Variants in GTF2H4 observed in about 807,000 individuals in gnomAD.
GTF2H4 encodes general transcription factor IIH subunit 4.
GTF2H4 carries 49 observed loss-of-function variants against 62.2 expected under a neutral mutation model. The observed-to-expected ratio is 0.79, with a 90% CI of 0.63 to 1.00. GTF2H4 has a LOEUF of 1.00. Ranked by LOEUF, GTF2H4 falls within the 50% of genes least tolerant of loss-of-function variation. GTF2H4 has a pLI of 0.00. For missense variants in GTF2H4, 479 were observed against 587.8 expected (o/e 0.81, Z 1.91); for synonymous variants, 189 against 233.8 (o/e 0.81, Z 1.75).
In GTF2H4 at chr6:30,912,290, G is replaced by T; in HGVS notation, c.959-38G>T. ...AAGGGCTTGAGGGAGTCTGGGTGTG[G>T]GGGTGGCCTCCTCATCCTCTTTCTA... On this transcript the variant is annotated intron_variant, in intron 10 of 13. Coordinates refer to ENST00000259895, the MANE Select transcript of GTF2H4 (RefSeq NM_001517.5). This position sits in a 1 kb window ranked among gnomAD's most constrained non-coding sequence, Gnocchi z 4.8. The T allele has an allele frequency of 6.2e-7, 1 of 1,611,182 alleles. No individual in the cohort carries two copies.
Position 30,911,988 on chromosome 6 carries a change from G to A in GTF2H4, c.826-26G>A, listed in dbSNP as rs1282377274. On this transcript the variant is annotated intron_variant, in intron 9 of 13. Transcript: ENST00000259895. This position sits in a 1 kb window ranked among gnomAD's most constrained non-coding sequence, Gnocchi z 4.3. Reference sequence around the variant, plus strand: ...TGTAAGGCAGTGACTTCTGAGACAAGGCATCTGCCTTTCTATTCTTTTCAG... The same window carrying A: ...TGTAAGGCAGTGACTTCTGAGACAAAGCATCTGCCTTTCTATTCTTTTCAG... 1 of 1,610,968 alleles carries A rather than the reference G, an allele frequency of 6.2e-7. No homozygotes were observed. Among genetic ancestry groups the A allele is most frequent in the Non-Finnish European group, 8.5e-7 (1 of 1,178,910 alleles).
chr6:30,914,019 G>GGGT lies in GTF2H4; in HGVS notation c.*36_*37insGGT. On this transcript the variant is annotated 3_prime_UTR_variant, in exon 14 of 14. Transcript: ENST00000259895. ...CTTGGACACGGACCTCGGCGGGCGG[G>GGGT]ACTGGGCGGGGCGGGGCATCAGAAC... is the stretch of plus-strand genomic sequence containing the variant. The GGGT allele has an allele frequency of 7.5e-7, 1 of 1,329,174 alleles. No homozygotes were observed. Among genetic ancestry groups the GGGT allele is most frequent in the Non-Finnish European group, 1.1e-6 (1 of 947,430 alleles). The allele number at this position is 1,329,174 out of a possible 1,614,324, so 82.3% of individuals were successfully genotyped here.
chr6:30,911,721 A>T lies in GTF2H4; in HGVS notation c.779A>T (p.Asn260Ile), dbSNP rs1292024546. The change falls in exon 9 of 14, where the codon AAC becomes ATC. Residue 260 changes from asparagine to isoleucine, a missense_variant. Coordinates refer to ENST00000259895, the MANE Select transcript of GTF2H4 (RefSeq NM_001517.5). This position sits in a 1 kb window ranked among gnomAD's most constrained non-coding sequence, Gnocchi z 4.3. ...SVEGMSDSLL[N>I]FLQHLREFGL... Reference sequence around the variant, plus strand: ...GAAGGTATGAGTGATTCTCTGTTGAACTTCCTGCAACATCTGCGTGAGTTT... The same window carrying T: ...GAAGGTATGAGTGATTCTCTGTTGATCTTCCTGCAACATCTGCGTGAGTTT... 1.9e-6 allele frequency: 3 copies of T among 1,612,948 alleles called. No homozygotes were observed.
rs1371575287 is a variant in GTF2H4 at position 30,913,737 on chromosome 6, G to A, written c.1217-74G>A. The A allele has an allele frequency of 1.5e-5, 21 of 1,382,940 alleles. 1 individual carries two copies. The South Asian group carries it at 2.8e-4, about 18-fold the overall frequency. 85.7% of individuals were successfully genotyped at this position (1,382,940 alleles called of 1,614,324 possible). ...CCAGGGCTGCCACCAAGGAGCTGGG[G>A]GGATTCCCAATAGGAGCTCCGAGCT... On this transcript the variant is annotated intron_variant, in intron 13 of 13. Coordinates refer to ENST00000259895, the MANE Select transcript of GTF2H4 (RefSeq NM_001517.5). The surrounding 1 kb of genome is among the most constrained non-coding windows in gnomAD (Gnocchi z 4.2).
chr6:30,911,896 C>T lies in GTF2H4; in HGVS notation c.826-118C>T, dbSNP rs556452193. Reference sequence around the variant, plus strand: ...GCCAGAACTGAATACTTGGGTCTCTCGGGGGAGAGAAGTTGGGGGTTGAGG... The same window carrying T: ...GCCAGAACTGAATACTTGGGTCTCTTGGGGGAGAGAAGTTGGGGGTTGAGG... On this transcript the variant is annotated intron_variant, in intron 9 of 13. Coordinates refer to ENST00000259895, the MANE Select transcript of GTF2H4 (RefSeq NM_001517.5). The surrounding 1 kb of genome is among the most constrained non-coding windows in gnomAD (Gnocchi z 4.3). 4.9e-5 allele frequency: 70 copies of T among 1,437,716 alleles called. 1 individual carries two copies. The South Asian group carries it at 5.2e-4, about 11-fold the overall frequency. 89.1% of individuals were successfully genotyped at this position (1,437,716 alleles called of 1,614,324 possible).
At position 30,911,823 on chromosome 6, in the gene GTF2H4, T is replaced by G; in HGVS notation, c.825+56T>G. 1 of 1,526,756 alleles carries G rather than the reference T, an allele frequency of 6.5e-7. No homozygotes were observed. The highest frequency in any genetic ancestry group is 9.1e-7 in the Non-Finnish European group (1 of 1,102,754). The allele number at this position is 1,526,756 out of a possible 1,614,324, so 94.6% of individuals were successfully genotyped here. The stretch of plus-strand genomic sequence containing the variant: ...GAAGAAACAGGGTGGTGTGTTGCCT[T>G]TGCCTTTAAAAAGGAGTGGGGTCTT... On this transcript the variant is annotated intron_variant, in intron 9 of 13. Coordinates refer to ENST00000259895, the MANE Select transcript of GTF2H4 (RefSeq NM_001517.5). The surrounding 1 kb of genome is among the most constrained non-coding windows in gnomAD (Gnocchi z 4.3).
chr6:30,910,744 G>A lies in GTF2H4; in HGVS notation c.454G>A (p.Ala152Thr). 6.2e-7 allele frequency: 1 copy of A among 1,612,702 alleles called. No homozygotes were observed. The highest frequency in any genetic ancestry group is 8.5e-7 in the Non-Finnish European group (1 of 1,179,772). ...GGACGTTCCCTCCCTTGACAAGTAC[G>A]CCGAGGAGCGATGGGAGGTAAGCAC... ...ARDVPSLDKY[A>T]EERWEVVLHF... The change falls in exon 5 of 14, where the codon GCC becomes ACC. Residue 152 changes from alanine to threonine, a missense_variant. Ala to Thr is a moderately conservative substitution (Grantham distance 58). Transcript: ENST00000259895. The surrounding 1 kb of genome is among the most constrained non-coding windows in gnomAD (Gnocchi z 4.7).
rs749359595 is a variant in GTF2H4, at chr6:30,913,772, C to G, written c.1217-39C>G. 6.7e-7 allele frequency: 1 copy of G among 1,496,728 alleles called. No individual in the cohort carries two copies. Among genetic ancestry groups the G allele is most frequent in the South Asian group, 1.3e-5 (1 of 74,426 alleles). The allele number at this position is 1,496,728 out of a possible 1,614,324, so 92.7% of individuals were successfully genotyped here. On this transcript the variant is annotated intron_variant, in intron 13 of 13. Transcript: ENST00000259895. The surrounding 1 kb of genome is among the most constrained non-coding windows in gnomAD (Gnocchi z 4.2). ...ATAGGAGCTCCGAGCTTCACTTTCT[C>G]GTCTTCTCCCCGCGCCCCTCCCGTC...
In GTF2H4 at chr6:30,912,559, T is replaced by C. The variant is rs3218822; in HGVS notation, c.1089+101T>C. 22,578 of 1,435,354 alleles carry C rather than the reference T, an allele frequency of 0.016. 228 individuals carry two copies. The highest frequency in any genetic ancestry group is 0.034 in the Middle Eastern group (137 of 4,030). The allele number at this position is 1,435,354 out of a possible 1,614,324, so 88.9% of individuals were successfully genotyped here. On this transcript the variant is annotated intron_variant, in intron 11 of 13. Coordinates refer to ENST00000259895, the MANE Select transcript of GTF2H4 (RefSeq NM_001517.5). This position sits in a 1 kb window ranked among gnomAD's most constrained non-coding sequence, Gnocchi z 4.8. ...AAGGCTAGCTCTGAGTCTGTTATAA[T>C]AGGTGGTGGTGAGTTGTCTGTGTTT...
At position 30,913,417 on chromosome 6, in the gene GTF2H4, T is replaced by A. The variant is rs1231949151; in HGVS notation, c.1216+30T>A. On this transcript the variant is annotated intron_variant, in intron 13 of 13. Transcript: ENST00000259895. This position sits in a 1 kb window ranked among gnomAD's most constrained non-coding sequence, Gnocchi z 4.2. The stretch of plus-strand genomic sequence containing the variant: ...GTAGCTTCTGGTGGCCAAGTCTTGG[T>A]CATTGGCCAGAGAAAGGGCAGACAG... 1 of 1,607,522 alleles carries A rather than the reference T, an allele frequency of 6.2e-7. No individual in the cohort carries two copies. Among genetic ancestry groups the A allele is most frequent in the East Asian group, 2.2e-5 (1 of 44,840 alleles).
In GTF2H4 at chr6:30,909,778, T is replaced by C. The variant is rs1427461981; in HGVS notation, c.243-154T>C. 1.3e-5 allele frequency among the ~76,000 whole-genome samples: 2 copies of C among 152,216 alleles called. No homozygotes were observed. The highest frequency in any genetic ancestry group is 2.9e-5 in the Non-Finnish European group (2 of 68,034). On this transcript the variant is annotated intron_variant, in intron 3 of 13. Transcript: ENST00000259895. The surrounding 1 kb of genome is among the most constrained non-coding windows in gnomAD (Gnocchi z 4.3). ...TCTGTAATGAGGCTCTGATAAGTAATGCAGTAAAGAATTTGTCTTAGGAAG... is the reference window on the plus strand; with the variant it reads ...TCTGTAATGAGGCTCTGATAAGTAACGCAGTAAAGAATTTGTCTTAGGAAG...
At position 30,914,098 on chromosome 6, in the gene GTF2H4, T is replaced by G; in HGVS notation, c.*115T>G. The G allele has an allele frequency of 9.3e-7, 1 of 1,074,176 alleles. No homozygotes were observed. 66.5% of individuals were successfully genotyped at this position (1,074,176 alleles called of 1,614,324 possible). A position where few individuals can be genotyped will look rare whatever the true frequency, so the allele number is the denominator to read the frequency against. On this transcript the variant is annotated 3_prime_UTR_variant, in exon 14 of 14. Transcript: ENST00000259895. The stretch of plus-strand genomic sequence containing the variant: ...CTTTTCTTGTTTAATAAAGTTATGA[T>G]AGCTAGCAGTGCGGTCCCGGGCGCC...
Position 30,910,843 on chromosome 6 carries a change from T to C in GTF2H4, c.472-10T>C, listed in dbSNP as rs773621918. 7 of 1,611,772 alleles carry C rather than the reference T, an allele frequency of 4.3e-6. No individual in the cohort carries two copies. The highest frequency in any genetic ancestry group is 5.9e-6 in the Non-Finnish European group (7 of 1,179,272). ...GGGGCATGGTCTCCCTGTTCTCTTC[T>C]GTTCTTCAGGTGGTCTTGCACTTCA... is the stretch of plus-strand genomic sequence containing the variant. On this transcript the variant is annotated splice_polypyrimidine_tract_variant and intron_variant, in intron 5 of 13. Coordinates refer to ENST00000259895, the MANE Select transcript of GTF2H4 (RefSeq NM_001517.5). The surrounding 1 kb of genome is among the most constrained non-coding windows in gnomAD (Gnocchi z 4.7).
At position 30,911,917 on chromosome 6, in the gene GTF2H4, T is replaced by G; in HGVS notation, c.826-97T>G. 1 of 1,499,490 alleles carries G rather than the reference T, an allele frequency of 6.7e-7. No individual in the cohort carries two copies. The highest frequency in any genetic ancestry group is 9.1e-7 in the Non-Finnish European group (1 of 1,094,288). The allele number at this position is 1,499,490 out of a possible 1,614,324, so 92.9% of individuals were successfully genotyped here. A position where few individuals can be genotyped will look rare whatever the true frequency, so the allele number is the denominator to read the frequency against. On this transcript the variant is annotated intron_variant, in intron 9 of 13. Transcript: ENST00000259895. This position sits in a 1 kb window ranked among gnomAD's most constrained non-coding sequence, Gnocchi z 4.3. ...CTCTCGGGGGAGAGAAGTTGGGGGT[T>G]GAGGTTCTGCATCTTGGGAGGGATC...
At position 30,910,867 on chromosome 6, in the gene GTF2H4, C is replaced by G; in HGVS notation, c.486C>G (p.Phe162Leu). Residue 162 changes from phenylalanine (F) to leucine (L), a missense_variant, in exon 6 of 14, where the codon TTC (phenylalanine) becomes TTG (leucine). By Grantham distance (22) the Phe-to-Leu change is conservative. Coordinates refer to ENST00000259895, the MANE Select transcript of GTF2H4 (RefSeq NM_001517.5). This position sits in a 1 kb window ranked among gnomAD's most constrained non-coding sequence, Gnocchi z 4.7. ...CTGTTCTTCAGGTGGTCTTGCACTT[C>G]ATGGTGGGCTCCCCCAGTGCAGCTG... The part of the protein sequence containing the change: ...AEERWEVVLH[F>L]MVGSPSAAVS... 6.2e-7 allele frequency: 1 copy of G among 1,612,388 alleles called. No individual in the cohort carries two copies. The highest frequency in any genetic ancestry group is 8.5e-7 in the Non-Finnish European group (1 of 1,179,672).
In GTF2H4 at chr6:30,911,821, C is replaced by T; in HGVS notation, c.825+54C>T. The T allele has an allele frequency of 6.5e-7, 1 of 1,528,412 alleles. No homozygotes were observed. The highest frequency in any genetic ancestry group is 9.1e-7 in the Non-Finnish European group (1 of 1,104,490). 94.7% of individuals were successfully genotyped at this position (1,528,412 alleles called of 1,614,324 possible). On this transcript the variant is annotated intron_variant, in intron 9 of 13. Transcript: ENST00000259895. The surrounding 1 kb of genome is among the most constrained non-coding windows in gnomAD (Gnocchi z 4.3). ...GGGAAGAAACAGGGTGGTGTGTTGC[C>T]TTTGCCTTTAAAAAGGAGTGGGGTC...
chr6:30,911,409 G>A lies in GTF2H4; in HGVS notation c.673-22G>A. 3 of 1,607,252 alleles carry A rather than the reference G, an allele frequency of 1.9e-6. No homozygotes were observed. Among genetic ancestry groups the A allele is most frequent in the Non-Finnish European group, 2.6e-6 (3 of 1,174,346 alleles). On this transcript the variant is annotated intron_variant, in intron 7 of 13. Coordinates refer to ENST00000259895, the MANE Select transcript of GTF2H4 (RefSeq NM_001517.5). The surrounding 1 kb of genome is among the most constrained non-coding windows in gnomAD (Gnocchi z 4.3). Reference sequence around the variant, plus strand: ...GTCTCCCTCCCATCCCTCCTCCTTTGTCTCTGCCTCTTTCTCCCTAGAGCC... The same window carrying A: ...GTCTCCCTCCCATCCCTCCTCCTTTATCTCTGCCTCTTTCTCCCTAGAGCC...
In GTF2H4 at chr6:30,909,275, G is replaced by A. The variant is rs1411070986; in HGVS notation, c.137+102G>A. On this transcript the variant is annotated intron_variant, in intron 2 of 13. Transcript: ENST00000259895. This position sits in a 1 kb window ranked among gnomAD's most constrained non-coding sequence, Gnocchi z 4.3. ...CAGCCTGGAGTCGGGGTGGGGACTG[G>A]GGGCAAGGGTTGGAAATTGCTCTAA... 1.4e-6 allele frequency: 2 copies of A among 1,426,256 alleles called. No individual in the cohort carries two copies. Among genetic ancestry groups the A allele is most frequent in the Non-Finnish European group, 1.9e-6 (2 of 1,056,532 alleles). 88.4% of individuals were successfully genotyped at this position (1,426,256 alleles called of 1,614,324 possible).
In GTF2H4 at chr6:30,912,323, C is replaced by T; in HGVS notation, c.959-5C>T. 1 of 1,612,904 alleles carries T rather than the reference C, an allele frequency of 6.2e-7. No individual in the cohort carries two copies. Among genetic ancestry groups the T allele is most frequent in the Non-Finnish European group, 8.5e-7 (1 of 1,179,968 alleles). On this transcript the variant is annotated splice_region_variant and splice_polypyrimidine_tract_variant and intron_variant, in intron 10 of 13. Coordinates refer to ENST00000259895, the MANE Select transcript of GTF2H4 (RefSeq NM_001517.5). The surrounding 1 kb of genome is among the most constrained non-coding windows in gnomAD (Gnocchi z 4.8). ...CTCCTCATCCTCTTTCTATCCCTGGCTCAGAGTCGGAGCTGCAGATTGCCC... is the reference window on the plus strand; with the variant it reads ...CTCCTCATCCTCTTTCTATCCCTGGTTCAGAGTCGGAGCTGCAGATTGCCC...
Sources: gnomAD v4.1 joint callset for allele counts (sites outside exome capture counted in the v4.1 genomes callset) on GRCh38, gnomAD v4.1.1 for gene constraint, Gnocchi (gnomAD v3.1) non-coding constraint, MANE v1.5 for transcripts, NCBI Gene and HGNC (gene_info 2026-07-23, HGNC 2026-07-21) for gene names.